GNB1L: variants seen among roughly 807,000 people sequenced by gnomAD.
The protein encoded by GNB1L is guanine nucleotide-binding protein subunit beta-like protein 1.
In GNB1L, 20 loss-of-function variants were observed where a neutral mutation model predicts 29.1. That is an observed-to-expected ratio of 0.69 (90% CI 0.48 to 1.00). The LOEUF (loss-of-function observed/expected upper bound fraction) is 1.00, where lower values mean the gene tolerates loss of function less well. Ranked by LOEUF, GNB1L falls within the 50% of genes least tolerant of loss-of-function variation. The pLI, the probability that GNB1L is intolerant of heterozygous loss-of-function variation, is 0.00. For synonymous variants in GNB1L, 193 were observed against 206.5 expected (o/e 0.93, Z 0.56); for missense variants, 421 against 464.9 (o/e 0.91, Z 0.87).
chr22:19,788,947 T>C lies in GNB1L; in HGVS notation c.746A>G (p.His249Arg), dbSNP rs368126666. The C allele has an allele frequency of 1.2e-6, 2 of 1,606,398 alleles. No homozygotes were observed. The highest frequency in any genetic ancestry group is 1.7e-6 in the Non-Finnish European group (2 of 1,175,340). Reference sequence around the variant, plus strand: ...GGCGATCCCGGGATTGGTGAGTTCATGAGTCCCACGCACCTGTGAGAGTTG... The same window carrying C: ...GGCGATCCCGGGATTGGTGAGTTCACGAGTCCCACGCACCTGTGAGAGTTG... Reference protein sequence around the residue: ...WQQALQVRGTHELTNPGIAEV... With the variant: ...WQQALQVRGTRELTNPGIAEV... Residue 249 changes from histidine (H) to arginine (R), a missense_variant, in exon 8 of 8, where the codon CAT becomes CGT. Transcript: ENST00000329517.
At position 19,788,931 on chromosome 22, in the gene GNB1L, G is replaced by A. The variant is rs763753153; in HGVS notation, c.762C>T (p.Pro254=). 82 of 1,610,226 alleles carry A rather than the reference G, an allele frequency of 5.1e-5. No individual in the cohort carries two copies. Among genetic ancestry groups the A allele is most frequent in the Non-Finnish European group, 6.5e-5 (77 of 1,178,194 alleles). ...QVRGTHELTN[P]GIAEVTIRPD... ...GCCGGATCGTGACCTCGGCGATCCCGGGATTGGTGAGTTCATGAGTCCCAC... is the reference window on the plus strand; with the variant it reads ...GCCGGATCGTGACCTCGGCGATCCCAGGATTGGTGAGTTCATGAGTCCCAC... Residue 254 remains proline, a synonymous_variant, in exon 8 of 8, where the codon CCC becomes CCT. Transcript: ENST00000329517.
At chr22:19,806,633 C>T (rs543669118) in intron 6 of GNB1L, 26 bp downstream of exon 6, 31 of 1,452,590 alleles carry the variant, frequency 2.1e-5, no homozygotes, top group South Asian at 6.9e-5. Flanking sequence ...GCCGGCAGGG[C>T]GTGGCTGGTG....
At chr22:19,822,184 A>G (rs1937585046) in intron 2 of GNB1L, among the ~76,000 whole-genome samples, 1 of 152,210 alleles carries the variant, frequency 6.6e-6, no homozygotes, top group South Asian at 2.1e-4. Context: ...GAGGCAGAGA[A>G]TAGTCACTGA....
chr22:19,846,117 T>C (rs1937954314), intron 2 of GNB1L: 1 of 150,424 alleles, frequency 6.6e-6, no homozygotes, highest in Admixed American at 6.5e-5. Context: ...GGTTATGCTG[T>C]GGAAAACACA....
At chr22:19,851,827 G>T in intron 2 of GNB1L, 1 of 1,614,022 alleles carries the variant, frequency 6.2e-7, no homozygotes, top group South Asian at 1.1e-5. Context: ...GGCCTGTTAG[G>T]CGCCTGAGGA....
At chr22:19,849,028 G>C (rs1239184896) in intron 2 of GNB1L, 4 of 985,388 alleles carry the variant, frequency 4.1e-6, no homozygotes, top group African/African-American at 3.5e-5. Flanking sequence ...CCCACAAAAG[G>C]GGGGATGGGG....
chr22:19,843,073 C>T lies in GNB1L; in HGVS notation c.-21+11370G>A, dbSNP rs377533439. ...CAGGCCCTGTTCCCCTTTGAAGCCT[C>T]GCTGAGTGATTGAAGCGTCTACTTT... On this transcript the variant is annotated intron_variant, in intron 2 of 7. Coordinates refer to ENST00000329517, the MANE Select transcript of GNB1L (RefSeq NM_053004.3). Among the ~76,000 whole-genome samples the T allele has an allele frequency of 4.6e-5, 7 of 152,352 alleles. No homozygotes were observed. The East Asian group carries it at 9.6e-4, about 21-fold the overall frequency.
intron 6 of GNB1L, 151 bp downstream of exon 6, chr22:19,806,507 GT>G: frequency 1.7e-6 from 1 of 602,862 alleles, no homozygotes; most frequent in South Asian, 2.0e-5. Flanking sequence ...GCAGAGGGCC[GT>G]GGGGACACTG....
At position 19,783,473 on chromosome 22, in the gene GNB1L, C is replaced by T. The variant is rs543184679; in HGVS notation, c.*5236G>A. 8.6e-5 allele frequency: 23 copies of T among 268,932 alleles called. No individual in the cohort carries two copies. The East Asian group carries it at 1.9e-3, about 23-fold the overall frequency. 16.7% of individuals were successfully genotyped at this position (268,932 alleles called of 1,614,324 possible). On this transcript the variant is annotated 3_prime_UTR_variant, in exon 8 of 8. Coordinates refer to ENST00000329517, the MANE Select transcript of GNB1L (RefSeq NM_053004.3). Reference sequence around the variant, plus strand: ...GCTGAGGCAGGAGGATCACTTGAGCCTATTAGTTGGAGGCTGCAGTAAGCT... The same window carrying T: ...GCTGAGGCAGGAGGATCACTTGAGCTTATTAGTTGGAGGCTGCAGTAAGCT...
intron 7 of GNB1L, chr22:19,793,232 A>G (rs1937271398): frequency 3.4e-6 from 2 of 592,188 alleles, no homozygotes; most frequent in Non-Finnish European, 5.9e-6. Flanking sequence ...AACTCTTAGC[A>G]GAGAAATGGA....
intron 2 of GNB1L, chr22:19,852,051 T>C (rs1475034800): frequency 6.2e-7 from 1 of 1,614,070 alleles, no homozygotes; most frequent in Non-Finnish European, 8.5e-7. Context: ...CCGCCACAAG[T>C]GCCACTAGCT....
chr22:19,850,723 CACAGAAACCCCATACAGGA>C, intron 2 of GNB1L: 1 of 1,236,694 alleles, frequency 8.1e-7, no homozygotes. Flanking sequence ...GGGGGACAGA[CACAGAAACCCCATACAGGA>C]ACGAGGTCCC....
At chr22:19,852,229 AG>A (rs761606734) in intron 2 of GNB1L, 2 of 1,611,934 alleles carry the variant, frequency 1.2e-6, no homozygotes, top group Admixed American at 3.3e-5. Context: ...TGGGAATGCG[AG>A]GGCCCTGCTG....
At position 19,826,911 on chromosome 22, in the gene GNB1L, A is replaced by G. The variant is rs140693119; in HGVS notation, c.-20-5536T>C. Among the ~76,000 whole-genome samples, 593 of 152,338 alleles carry G rather than the reference A, an allele frequency of 3.9e-3. 3 individuals carry two copies. The highest frequency in any genetic ancestry group is 0.014 in the African/African-American group (578 of 41,572). On this transcript the variant is annotated intron_variant, in intron 2 of 7. Coordinates refer to ENST00000329517, the MANE Select transcript of GNB1L (RefSeq NM_053004.3). ...AGGTTACGAGACACTGGGCAAGACT[A>G]CTAGCTTGGACTCATCAAAAAGGTC...
intron 6 of GNB1L, among the ~76,000 whole-genome samples, chr22:19,805,643 G>A (rs1450694670): frequency 6.6e-6 from 1 of 152,186 alleles, no homozygotes. Flanking sequence ...TTAGCCGGGC[G>A]TGGTGGCGGG....
chr22:19,793,879 CA>C (rs1601319006), intron 7 of GNB1L, among the ~76,000 whole-genome samples: 3 of 151,940 alleles, frequency 2.0e-5, no homozygotes, highest in African/African-American at 7.3e-5. Flanking sequence ...AATTGCACTA[CA>C]AAAAAATGTT....
intron 5 of GNB1L, among the ~76,000 whole-genome samples, chr22:19,808,245 T>C (rs899170746): frequency 1.3e-5 from 2 of 152,090 alleles, no homozygotes; most frequent in African/African-American, 2.4e-5. Flanking sequence ...ATGGGTAACA[T>C]GTACACACCT....
chr22:19,817,523 T>C (rs556475664), intron 4 of GNB1L, among the ~76,000 whole-genome samples: 60 of 152,240 alleles, frequency 3.9e-4, no homozygotes, highest in South Asian at 8.3e-4. Context: ...CAGCGACAGC[T>C]GACTGCAGCT....
intron 3 of GNB1L, among the ~76,000 whole-genome samples, 161 bp from the exon 4 acceptor site, chr22:19,820,884 C>T (rs1937573002): frequency 6.6e-6 from 1 of 152,228 alleles, no homozygotes; most frequent in Non-Finnish European, 1.5e-5. Context: ...TGGCAAAGCA[C>T]TCCTTGCTCC....
Sources: gnomAD v4.1 joint callset for allele counts (sites outside exome capture counted in the v4.1 genomes callset) on GRCh38, gnomAD v4.1.1 for gene constraint, MANE v1.5 for transcripts, NCBI Gene and HGNC (gene_info 2026-07-23, HGNC 2026-07-21) for gene names.